Variants in CADM2 observed in about 807,000 individuals in gnomAD.
CADM2 encodes cell adhesion molecule 2.
In CADM2, 12 loss-of-function variants were observed where a neutral mutation model predicts 49.8. The observed-to-expected ratio is 0.24, with a 90% CI of 0.15 to 0.39. The LOEUF is 0.39. Ranked by LOEUF, CADM2 falls within the 10% of genes least tolerant of loss-of-function variation. The pLI, the probability that CADM2 is intolerant of heterozygous loss-of-function variation, is 1.00. For missense variants in CADM2, 378 were observed against 492.3 expected (o/e 0.77, Z 2.20); for synonymous variants, 214 against 175.4 (o/e 1.22, Z -1.74).
chr3:85,969,918 T>A lies in CADM2; in HGVS notation c.970+8271T>A, dbSNP rs144174196. ...ATACACATACATACCCATATCTACA[T>A]ATATACACACATATACGAATATACA... On this transcript the variant is annotated intron_variant, in intron 8 of 9. Transcript: ENST00000383699. 3.9e-3 allele frequency among the ~76,000 whole-genome samples: 586 copies of A among 150,478 alleles called. 3 individuals are homozygous for A. The highest frequency in any genetic ancestry group is 7.0e-3 in the Non-Finnish European group (470 of 67,406).
At chr3:85,563,265 C>T (rs753321360) in intron 1 of CADM2, among the ~76,000 whole-genome samples, 1 of 152,058 alleles carries the variant, frequency 6.6e-6, no homozygotes, top group African/African-American at 2.4e-5. Flanking sequence ...TACCATAAAA[C>T]TGATTTTCAG....
At chr3:85,453,346 T>C (rs1165888449) in intron 1 of CADM2, among the ~76,000 whole-genome samples, 2 of 152,066 alleles carry the variant, frequency 1.3e-5, no homozygotes, top group African/African-American at 2.4e-5. Context: ...TTAATATTAT[T>C]TTTGTGTGTT....
At chr3:85,810,467 C>CA in intron 3 of CADM2, among the ~76,000 whole-genome samples, 1 of 151,136 alleles carries the variant, frequency 6.6e-6, no homozygotes, top group East Asian at 1.9e-4. Flanking sequence ...CAACTACCTT[C>CA]AGTTGCATTG....
At chr3:85,898,243 T>C (rs979050997) in intron 5 of CADM2, among the ~76,000 whole-genome samples, 2 of 152,102 alleles carry the variant, frequency 1.3e-5, no homozygotes, top group Admixed American at 6.5e-5. Context: ...CAGAAATCAT[T>C]GAGAGTCTTT....
intron 1 of CADM2, among the ~76,000 whole-genome samples, chr3:85,665,633 A>G (rs922073868): frequency 2.6e-5 from 4 of 151,970 alleles, no homozygotes; most frequent in Non-Finnish European, 5.9e-5. Context: ...TCCTTTTACT[A>G]AAGTCTTTTG....
chr3:85,152,695 C>G (rs570546344), intron 1 of CADM2, among the ~76,000 whole-genome samples: 5 of 152,080 alleles, frequency 3.3e-5, no homozygotes, highest in Non-Finnish European at 5.9e-5. Flanking sequence ...CGGTGGCTCA[C>G]GCCTGTAATC....
intron 1 of CADM2, among the ~76,000 whole-genome samples, chr3:85,355,730 G>T (rs2031802537): frequency 1.3e-5 from 2 of 152,084 alleles, no homozygotes; most frequent in South Asian, 4.1e-4. Flanking sequence ...TCTGAGAAAA[G>T]AATATTTTAG....
intron 2 of CADM2, among the ~76,000 whole-genome samples, chr3:85,776,817 A>AT (rs2070382806): frequency 1.3e-5 from 2 of 152,208 alleles, no homozygotes; most frequent in Non-Finnish European, 2.9e-5. Context: ...GATTATATAT[A>AT]TTTTTTGTAA....
At chr3:84,980,719 AC>A (rs1241266853) in intron 1 of CADM2, among the ~76,000 whole-genome samples, 2 of 152,074 alleles carry the variant, frequency 1.3e-5, no homozygotes, top group Non-Finnish European at 2.9e-5. Flanking sequence ...AACTGATGCT[AC>A]CTCTCTGAGC....
intron 1 of CADM2, among the ~76,000 whole-genome samples, chr3:85,387,563 C>G (rs1008904859): frequency 6.6e-6 from 1 of 152,034 alleles, no homozygotes; most frequent in African/African-American, 2.4e-5. Flanking sequence ...ACACTGAACT[C>G]TTGTATAACT....
At chr3:85,899,545 A>G (rs945379405) in intron 5 of CADM2, among the ~76,000 whole-genome samples, 5 of 152,076 alleles carry the variant, frequency 3.3e-5, no homozygotes, top group Admixed American at 6.6e-5. Flanking sequence ...TAGGTTCCAG[A>G]TGCTGTATAT....
intron 5 of CADM2, among the ~76,000 whole-genome samples, chr3:85,887,436 C>A (rs1713827072): frequency 6.6e-6 from 1 of 152,078 alleles, no homozygotes; most frequent in South Asian, 2.1e-4. Flanking sequence ...CTAATTAATT[C>A]TTTGTAATGG....
At chr3:85,451,871 G>A (rs183417758) in intron 1 of CADM2, among the ~76,000 whole-genome samples, 155 of 152,202 alleles carry the variant, frequency 1.0e-3, no homozygotes, top group African/African-American at 3.6e-3. Flanking sequence ...GATTCATCCT[G>A]TGAAATGGAT....
intron 1 of CADM2, among the ~76,000 whole-genome samples, chr3:85,426,232 C>G (rs1330924452): frequency 6.6e-6 from 1 of 151,696 alleles, no homozygotes; most frequent in Non-Finnish European, 1.5e-5. Context: ...GCCTCGACCT[C>G]TTAGGCTCAA....
intron 1 of CADM2, among the ~76,000 whole-genome samples, chr3:85,580,371 T>C (rs2062760828): frequency 6.6e-6 from 1 of 152,164 alleles, no homozygotes; most frequent in Admixed American, 6.6e-5. Flanking sequence ...CGATGCATCT[T>C]AGTTTGTGAG....
At chr3:85,696,618 A>T (rs535412361) in intron 1 of CADM2, among the ~76,000 whole-genome samples, 1 of 152,120 alleles carries the variant, frequency 6.6e-6, no homozygotes, top group East Asian at 1.9e-4. Flanking sequence ...CTTTGTTAGT[A>T]ATGAAAATTC....
At chr3:85,213,483 C>G (rs2041851088) in intron 1 of CADM2, among the ~76,000 whole-genome samples, 1 of 152,092 alleles carries the variant, frequency 6.6e-6, no homozygotes, top group Admixed American at 6.5e-5. Context: ...TCTTTCGTTG[C>G]TTTTAGAATC....
At chr3:85,995,222 C>T (rs1036969398) in intron 8 of CADM2, among the ~76,000 whole-genome samples, 2 of 151,900 alleles carry the variant, frequency 1.3e-5, no homozygotes, top group Non-Finnish European at 2.9e-5. Flanking sequence ...TCTATAACAT[C>T]TTAATATTTC....
At chr3:85,693,701 C>A in intron 1 of CADM2, among the ~76,000 whole-genome samples, 1 of 120,530 alleles carries the variant, frequency 8.3e-6, no homozygotes, top group African/African-American at 3.2e-5. Context: ...TCATGGCCAA[C>A]ATGGTAAAAC....
Sources: gnomAD v4.1 joint callset for allele counts (sites outside exome capture counted in the v4.1 genomes callset) on GRCh38, gnomAD v4.1.1 for gene constraint, MANE v1.5 for transcripts, NCBI Gene and HGNC (gene_info 2026-07-23, HGNC 2026-07-21) for gene names.